The following AFMID variants were observed in gnomAD, a reference collection of about 807,000 sequenced individuals.
AFMID encodes the protein kynurenine formamidase.
In AFMID, 39 loss-of-function variants were observed where a neutral mutation model predicts 47.5. The observed-to-expected ratio is 0.82, with a 90% CI of 0.64 to 1.07. The LOEUF is 1.07. AFMID is among the 50% of genes least tolerant of loss of function. The probability of loss-of-function intolerance (pLI) is 0.00; values close to 1 mark genes in which losing one functional copy is unlikely to be tolerated. For missense variants in AFMID, 375 were observed against 387.5 expected (o/e 0.97, Z 0.27); for synonymous variants, 130 against 153.2 (o/e 0.85, Z 1.12).
chr17:78,196,117 A>G (rs2076106253), intron 2 of AFMID, among the ~76,000 whole-genome samples: 1 of 152,216 alleles, frequency 6.6e-6, no homozygotes. Context: ...TAATCCCAGC[A>G]CTTTGGGAGG....
In AFMID at chr17:78,205,633, G is replaced by T. The variant is rs1056142054; in HGVS notation, c.675G>T (p.Leu225=). 1.6e-5 allele frequency: 26 copies of T among 1,613,890 alleles called. No individual in the cohort carries two copies. The East Asian group carries it at 5.8e-4, about 36-fold the overall frequency. Residue 225 remains leucine, a synonymous_variant, in exon 9 of 11, where the codon CTG becomes CTT. Coordinates refer to ENST00000409257, the MANE Select transcript of AFMID (RefSeq NM_001010982.5). Reference sequence around the variant, plus strand: ...ACGCTCAGAGGAATAGCCCCCAGCTGAAGGTGGCCCAGGCACAGCCGGTGG... The same window carrying T: ...ACGCTCAGAGGAATAGCCCCCAGCTTAAGGTGGCCCAGGCACAGCCGGTGG... ...LEDAQRNSPQ[L]KVAQAQPVDP... is the part of the protein sequence containing the mutation.
intron 1 of AFMID, 23 bp from the exon 2 acceptor site, chr17:78,190,947 A>G (rs1280997835): frequency 1.9e-6 from 3 of 1,609,610 alleles, no homozygotes; most frequent in Non-Finnish European, 2.5e-6. Context: ...AGTCTTACGG[A>G]GCCTCATGTT....
intron 4 of AFMID, among the ~76,000 whole-genome samples, chr17:78,204,269 C>T (rs1028694337): frequency 1.3e-5 from 2 of 151,750 alleles, no homozygotes; most frequent in East Asian, 3.9e-4. Flanking sequence ...TAGCAAGACC[C>T]CCATCTCTAC....
At chr17:78,193,901 A>T (rs1258218569) in intron 2 of AFMID, among the ~76,000 whole-genome samples, 1 of 150,716 alleles carries the variant, frequency 6.6e-6, no homozygotes, top group Non-Finnish European at 1.5e-5. Context: ...GCTTGAACCC[A>T]GAAGGTGGAG....
intron 1 of AFMID, among the ~76,000 whole-genome samples, chr17:78,188,055 T>A (rs75448985): frequency 0.016 from 2,435 of 151,500 alleles, 66 homozygotes; most frequent in African/African-American, 0.054. Context: ...CACAATGTTT[T>A]TGGGTCTGTG....
chr17:78,197,458 G>T (rs189657549), intron 2 of AFMID: 2 of 436,128 alleles, frequency 4.6e-6, no homozygotes, highest in Non-Finnish European at 8.2e-6. Context: ...ATTGGTGGCA[G>T]GTCTGCAGCC....
chr17:78,187,526 A>G lies in AFMID; in HGVS notation c.63+93A>G, dbSNP rs79941674. On this transcript the variant is annotated intron_variant, in intron 1 of 10. Transcript: ENST00000409257. Reference sequence around the variant, plus strand: ...CAAGAAGGAAGCTTAGAAGCCGTCTAGAGCACTCCTGTGGGCATGCAGAGC... The same window carrying G: ...CAAGAAGGAAGCTTAGAAGCCGTCTGGAGCACTCCTGTGGGCATGCAGAGC... The G allele has an allele frequency of 5.8e-4, 847 of 1,461,792 alleles. 5 individuals are homozygous for G. In the African/African-American group the frequency reaches 0.01, roughly 18 times the overall value. 90.6% of individuals were successfully genotyped at this position (1,461,792 alleles called of 1,614,324 possible). A position where few individuals can be genotyped will look rare whatever the true frequency, so the allele number is the denominator to read the frequency against.
chr17:78,190,811 T>A, intron 1 of AFMID, 159 bp from the exon 2 acceptor site: 1 of 605,834 alleles, frequency 1.7e-6, no homozygotes, highest in Non-Finnish European at 2.9e-6. Context: ...CGGTCGCTGG[T>A]ATACCTCTAG....
chr17:78,189,514 C>T (rs185959452), intron 1 of AFMID, among the ~76,000 whole-genome samples: 4 of 143,480 alleles, frequency 2.8e-5, no homozygotes, highest in African/African-American at 1.1e-4. Context: ...TGAGCCACCA[C>T]GCCCAGTGTT....
intron 2 of AFMID, among the ~76,000 whole-genome samples, chr17:78,201,757 G>A (rs910921007): frequency 6.6e-6 from 1 of 151,804 alleles, no homozygotes; most frequent in Admixed American, 6.6e-5. Flanking sequence ...TTGAGTTGGC[G>A]TCTCGCTCTG....
intron 1 of AFMID, among the ~76,000 whole-genome samples, 190 bp downstream of exon 1, chr17:78,187,623 A>T (rs964877772): frequency 6.6e-6 from 1 of 151,972 alleles, no homozygotes; most frequent in African/African-American, 2.4e-5. Flanking sequence ...GATTTTTGTT[A>T]ACCTGGTTTT....
chr17:78,193,830 A>C (rs2076039034), intron 2 of AFMID, among the ~76,000 whole-genome samples: 1 of 151,954 alleles, frequency 6.6e-6, no homozygotes, highest in Non-Finnish European at 1.5e-5. Context: ...ACAAAAAATT[A>C]GCTGGGCGTG....
chr17:78,193,400 C>T (rs2076027252), intron 2 of AFMID, among the ~76,000 whole-genome samples: 1 of 133,446 alleles, frequency 7.5e-6, no homozygotes. Flanking sequence ...AAAAAAAAAG[C>T]TGTAAGCAAA....
At chr17:78,187,762 G>A (rs954749700) in intron 1 of AFMID, among the ~76,000 whole-genome samples, 4 of 151,926 alleles carry the variant, frequency 2.6e-5, no homozygotes, top group Non-Finnish European at 4.4e-5. Flanking sequence ...GACCAGCCTG[G>A]CCAACATGGT....
At chr17:78,197,370 G>C in intron 2 of AFMID, 1 of 647,546 alleles carries the variant, frequency 1.5e-6, no homozygotes, top group Non-Finnish European at 2.6e-6. Context: ...TATGGTAATG[G>C]ATGTACAAAG....
At position 78,206,904 on chromosome 17, in the gene AFMID, G is replaced by A; in HGVS notation, c.886-7G>A. ...TGGGGCTTTTGTGTCTTCTCTTCCT[G>A]TTCCAGATTATCTTGAAAACAATCT... On this transcript the variant is annotated splice_polypyrimidine_tract_variant and splice_region_variant and intron_variant, in intron 10 of 10. Transcript: ENST00000409257. The A allele has an allele frequency of 1.2e-6, 2 of 1,613,928 alleles. No individual in the cohort carries two copies. Among genetic ancestry groups the A allele is most frequent in the Non-Finnish European group, 1.7e-6 (2 of 1,179,948 alleles).
chr17:78,207,230 C>T lies in AFMID; in HGVS notation c.*293C>T, dbSNP rs544876546. The T allele has an allele frequency of 2.5e-5, 9 of 365,790 alleles. No homozygotes were observed. Among genetic ancestry groups the T allele is most frequent in the Non-Finnish European group, 4.4e-5 (9 of 205,332 alleles). 22.7% of individuals were successfully genotyped at this position (365,790 alleles called of 1,614,324 possible). On this transcript the variant is annotated 3_prime_UTR_variant, in exon 11 of 11. Transcript: ENST00000409257. ...CTCGTCTGGCCCATCTACCTGCTGA[C>T]AGAGCATGACAAAGATGACGCTCAA...
intron 2 of AFMID, among the ~76,000 whole-genome samples, chr17:78,195,123 G>A (rs1242157586): frequency 2.6e-5 from 4 of 152,066 alleles, no homozygotes; most frequent in Admixed American, 2.0e-4. Context: ...ACAAGAAATG[G>A]AATGGTGGTT....
At chr17:78,194,976 G>T (rs1170964943) in intron 2 of AFMID, among the ~76,000 whole-genome samples, 1 of 152,092 alleles carries the variant, frequency 6.6e-6, no homozygotes, top group African/African-American at 2.4e-5. Flanking sequence ...TTACAGGCGT[G>T]AGCCACCGTA....
Sources: gnomAD v4.1 joint callset for allele counts (sites outside exome capture counted in the v4.1 genomes callset) on GRCh38, gnomAD v4.1.1 for gene constraint, MANE v1.5 for transcripts, NCBI Gene and HGNC (gene_info 2026-07-23, HGNC 2026-07-21) for gene names.